The following CNTN4 variants were observed in gnomAD, a reference collection of about 807,000 sequenced individuals.
CNTN4 encodes contactin 4.
A neutral mutation model predicts 122.5 loss-of-function variants in CNTN4; 77 were observed. The observed-to-expected ratio is 0.63, with a 90% CI of 0.52 to 0.76. CNTN4 has a LOEUF of 0.76. CNTN4 is among the 30% of genes least tolerant of loss of function. The pLI is 0.00. For synonymous variants in CNTN4, 512 were observed against 447.0 expected (o/e 1.15, Z -1.83); for missense variants, 1,256 against 1,259.1 (o/e 1.00, Z 0.04).
chr3:2,394,666 G>C (rs1304511669), intron 3 of CNTN4, among the ~76,000 whole-genome samples: 1 of 151,714 alleles, frequency 6.6e-6, no homozygotes, highest in African/African-American at 2.4e-5. Flanking sequence ...GGTTTGACAG[G>C]TTTATAAAAG....
At position 2,900,592 on chromosome 3, in the gene CNTN4, A is replaced by G. The variant is rs767351397; in HGVS notation, c.941-93A>G. Reference sequence around the variant, plus strand: ...TAACATCTGGAAAAGGAATTTTATTATAAGTGTACTTTTGCCCTTTGATTG... The same window carrying G: ...TAACATCTGGAAAAGGAATTTTATTGTAAGTGTACTTTTGCCCTTTGATTG... On this transcript the variant is annotated intron_variant, in intron 10 of 24. Transcript: ENST00000418658. 3.1e-4 allele frequency: 432 copies of G among 1,375,236 alleles called. 1 individual carries two copies. The highest frequency in any genetic ancestry group is 3.9e-4 in the Non-Finnish European group (374 of 969,466). 85.2% of individuals were successfully genotyped at this position (1,375,236 alleles called of 1,614,324 possible). A position where few individuals can be genotyped will look rare whatever the true frequency, so the allele number is the denominator to read the frequency against.
chr3:2,285,023 A>G (rs540702740), intron 2 of CNTN4, among the ~76,000 whole-genome samples: 1 of 152,146 alleles, frequency 6.6e-6, no homozygotes, highest in Admixed American at 6.6e-5. Flanking sequence ...CTAATAAGAT[A>G]CGTTTTTATT....
At chr3:2,854,076 T>C (rs1012297865) in intron 7 of CNTN4, among the ~76,000 whole-genome samples, 8 of 152,118 alleles carry the variant, frequency 5.3e-5, no homozygotes, top group African/African-American at 1.9e-4. Flanking sequence ...AGTGATGGTC[T>C]TTTTTGTTTT....
intron 3 of CNTN4, among the ~76,000 whole-genome samples, chr3:2,376,731 T>C (rs1170065880): frequency 6.6e-6 from 1 of 151,878 alleles, no homozygotes; most frequent in Non-Finnish European, 1.5e-5. Flanking sequence ...TAATATGCTC[T>C]GCTATTTCCA....
At chr3:2,148,023 C>A in intron 2 of CNTN4, among the ~76,000 whole-genome samples, 1 of 152,262 alleles carries the variant, frequency 6.6e-6, no homozygotes, top group African/African-American at 2.4e-5. Context: ...TTCTCTGAAG[C>A]TGGCTCCTAG....
In CNTN4 at chr3:3,042,863, A is replaced by G. The variant is rs1017637919; in HGVS notation, c.2512-114A>G. On this transcript the variant is annotated intron_variant, in intron 21 of 24. Coordinates refer to ENST00000418658, the MANE Select transcript of CNTN4 (RefSeq NM_175607.3). ...CTTTGTCCTGATAGCTCTGCTCATG[A>G]TGTAGTATAGAAAACTAACTCCATC... is the stretch of plus-strand genomic sequence containing the variant. 6.7e-5 allele frequency: 55 copies of G among 819,900 alleles called. No individual in the cohort carries two copies. The African/African-American group carries it at 8.5e-4, about 13-fold the overall frequency. The allele number at this position is 819,900 out of a possible 1,614,324, so 50.8% of individuals were successfully genotyped here.
chr3:2,411,975 T>C (rs1054674520), intron 3 of CNTN4, among the ~76,000 whole-genome samples: 1 of 152,204 alleles, frequency 6.6e-6, no homozygotes, highest in Admixed American at 6.5e-5. Context: ...TCCTTGTCTG[T>C]CAATACCTCT....
intron 3 of CNTN4, among the ~76,000 whole-genome samples, chr3:2,520,204 AG>A (rs2077158595): frequency 6.7e-6 from 1 of 149,102 alleles, no homozygotes; most frequent in Non-Finnish European, 1.5e-5. Flanking sequence ...GGGGTGCTAA[AG>A]TTGCCAGTCA....
intron 13 of CNTN4, among the ~76,000 whole-genome samples, chr3:2,945,418 C>T (rs973696383): frequency 6.6e-6 from 1 of 152,186 alleles, no homozygotes; most frequent in Non-Finnish European, 1.5e-5. Context: ...AAAAAGCAGA[C>T]TCAGGGAATA....
rs371749255 is a variant in CNTN4 at position 2,596,252 on chromosome 3, T to C, written c.55+24694T>C. On this transcript the variant is annotated intron_variant, in intron 4 of 24. Coordinates refer to ENST00000418658, the MANE Select transcript of CNTN4 (RefSeq NM_175607.3). ...GAGAGAAACAGGTGAGGGAAGCATA[T>C]TGAATCATAACCTAATTCCTACAAA... is the stretch of plus-strand genomic sequence containing the variant. Among the ~76,000 whole-genome samples the C allele has an allele frequency of 2.0e-4, 30 of 152,300 alleles. 1 individual carries two copies. In the South Asian group the frequency reaches 5.0e-3, roughly 25 times the overall value.
intron 13 of CNTN4, among the ~76,000 whole-genome samples, chr3:2,984,633 G>T (rs905700700): frequency 1.3e-5 from 2 of 152,192 alleles, no homozygotes; most frequent in African/African-American, 4.8e-5. Context: ...CAAGTCCTTT[G>T]CTTGTTTCCG....
chr3:2,457,853 T>A (rs2049057384), intron 3 of CNTN4, among the ~76,000 whole-genome samples: 1 of 152,152 alleles, frequency 6.6e-6, no homozygotes, highest in East Asian at 1.9e-4. Flanking sequence ...CTGTTAACTG[T>A]CTTTCTCAGT....
intron 7 of CNTN4, among the ~76,000 whole-genome samples, chr3:2,859,464 A>G (rs1469497647): frequency 1.3e-5 from 2 of 151,926 alleles, no homozygotes; most frequent in Non-Finnish European, 2.9e-5. Context: ...TGTCAGTCTC[A>G]GTCTGTCCTG....
chr3:2,753,544 G>A (rs1352109867), intron 6 of CNTN4, among the ~76,000 whole-genome samples: 1 of 152,198 alleles, frequency 6.6e-6, no homozygotes, highest in Non-Finnish European at 1.5e-5. Context: ...GGATACAGCA[G>A]TGGGAGAAGG....
chr3:2,866,219 T>C (rs1226181807), intron 7 of CNTN4, among the ~76,000 whole-genome samples: 2 of 152,182 alleles, frequency 1.3e-5, no homozygotes, highest in Admixed American at 1.3e-4. Flanking sequence ...AATAAGTTAC[T>C]CTGTTCCTAG....
At chr3:3,006,906 C>G (rs1696708407) in intron 14 of CNTN4, among the ~76,000 whole-genome samples, 1 of 152,126 alleles carries the variant, frequency 6.6e-6, no homozygotes, top group South Asian at 2.1e-4. Flanking sequence ...AACTGATAAT[C>G]AATATCATTG....
intron 23 of CNTN4, among the ~76,000 whole-genome samples, chr3:3,050,059 A>G (rs183276329): frequency 1.4e-4 from 22 of 152,306 alleles, no homozygotes; most frequent in Non-Finnish European, 2.5e-4. Flanking sequence ...TCGCCCTTTT[A>G]CAACAGTGCT....
At chr3:2,884,037 C>T (rs9821347) in intron 9 of CNTN4, among the ~76,000 whole-genome samples, 3,924 of 152,164 alleles carry the variant, frequency 0.026, 170 homozygotes, top group African/African-American at 0.089. Context: ...ATCTATCTGA[C>T]GAATCCATTA....
intron 2 of CNTN4, among the ~76,000 whole-genome samples, chr3:2,300,558 G>GTTT (rs2042466320): frequency 8.6e-6 from 1 of 116,232 alleles, no homozygotes; most frequent in Admixed American, 8.8e-5. Context: ...CACAGTGACC[G>GTTT]TCTTTTTTTT....
Sources: gnomAD v4.1 joint callset for allele counts (sites outside exome capture counted in the v4.1 genomes callset) on GRCh38, gnomAD v4.1.1 for gene constraint, MANE v1.5 for transcripts, NCBI Gene and HGNC (gene_info 2026-07-23, HGNC 2026-07-21) for gene names.